EPB41L4A: variants seen among roughly 807,000 people sequenced by gnomAD.
EPB41L4A encodes the protein erythrocyte membrane protein band 4.1 like 4A.
Under a neutral mutation model 108.6 loss-of-function variants are expected in EPB41L4A, and 100 were observed. The observed-to-expected ratio is 0.92, with a 90% confidence interval of 0.78 to 1.09. The LOEUF (loss-of-function observed/expected upper bound fraction) is 1.09, where lower values mean the gene tolerates loss of function less well. EPB41L4A is among the 50% of genes least tolerant of loss of function. The pLI is 0.00. For synonymous variants in EPB41L4A, 319 were observed against 289.0 expected (o/e 1.10, Z -1.05); for missense variants, 1,030 against 842.7 (o/e 1.22, Z -2.75).
chr5:112,244,880 C>T (rs996206573), intron 9 of EPB41L4A, among the ~76,000 whole-genome samples: 8 of 152,058 alleles, frequency 5.3e-5, no homozygotes, highest in Non-Finnish European at 1.2e-4. Context: ...AGCGCCCGTG[C>T]CCTTGTTATC....
chr5:112,266,019 C>A (rs1751826761), intron 5 of EPB41L4A, among the ~76,000 whole-genome samples: 1 of 152,198 alleles, frequency 6.6e-6, no homozygotes, highest in Admixed American at 6.5e-5. Flanking sequence ...AGTGACTAAA[C>A]CTCCATACGA....
At chr5:112,346,870 A>T (rs989005330) in intron 1 of EPB41L4A, among the ~76,000 whole-genome samples, 3 of 152,222 alleles carry the variant, frequency 2.0e-5, no homozygotes, top group Non-Finnish European at 4.4e-5. Flanking sequence ...TGGCTTTGAA[A>T]GAGGTGCTGC....
chr5:112,198,646 A>T lies in EPB41L4A; in HGVS notation c.1377-2938T>A, dbSNP rs376341675. Among the ~76,000 whole-genome samples the T allele has an allele frequency of 7.0e-4, 107 of 152,016 alleles. 3 individuals carry two copies. The South Asian group carries it at 0.022, about 31-fold the overall frequency. The stretch of plus-strand genomic sequence containing the variant: ...GTTGAATGTTTGATATCTAGGTTTG[A>T]TAATTTTATTATTCTTATTTCCATA... On this transcript the variant is annotated intron_variant, in intron 15 of 22. Coordinates refer to ENST00000261486, the MANE Select transcript of EPB41L4A (RefSeq NM_022140.5).
intron 4 of EPB41L4A, chr5:112,275,118 C>A: frequency 2.0e-6 from 1 of 488,856 alleles, no homozygotes; most frequent in Non-Finnish European, 3.5e-6. Flanking sequence ...TCATGTCACC[C>A]AGGTTCACGC....
chr5:112,287,912 T>G (rs981982519), intron 2 of EPB41L4A, among the ~76,000 whole-genome samples: 2 of 152,112 alleles, frequency 1.3e-5, no homozygotes, highest in Non-Finnish European at 2.9e-5. Context: ...AAATGAAATG[T>G]AAGAAGAGAG....
At chr5:112,216,913 C>T (rs1251460285) in intron 12 of EPB41L4A, among the ~76,000 whole-genome samples, 5 of 151,934 alleles carry the variant, frequency 3.3e-5, no homozygotes, top group African/African-American at 1.2e-4. Flanking sequence ...TTCTATACCA[C>T]AAATTACGGC....
intron 1 of EPB41L4A, among the ~76,000 whole-genome samples, chr5:112,406,287 C>T (rs1379672832): frequency 6.6e-6 from 1 of 152,156 alleles, no homozygotes; most frequent in Non-Finnish European, 1.5e-5. Flanking sequence ...TTCTCTGCAT[C>T]CTTCTTCAGG....
chr5:112,258,441 AAGAC>A (rs1751258847), intron 9 of EPB41L4A, among the ~76,000 whole-genome samples: 1 of 152,220 alleles, frequency 6.6e-6, no homozygotes, highest in Non-Finnish European at 1.5e-5. Flanking sequence ...TAGTATCAAA[AAGAC>A]AGAAGAGTAG....
chr5:112,318,653 C>A (rs932889362), intron 1 of EPB41L4A, among the ~76,000 whole-genome samples: 1 of 152,158 alleles, frequency 6.6e-6, no homozygotes. Flanking sequence ...TCCTGACCAA[C>A]AAGTCATAAG....
intron 1 of EPB41L4A, among the ~76,000 whole-genome samples, chr5:112,319,162 A>G (rs770237343): frequency 2.0e-5 from 3 of 152,188 alleles, no homozygotes; most frequent in Non-Finnish European, 4.4e-5. Context: ...AAAAATGGAA[A>G]CAGTGTTCAA....
At chr5:112,411,952 C>T (rs995922789) in intron 1 of EPB41L4A, among the ~76,000 whole-genome samples, 1 of 152,164 alleles carries the variant, frequency 6.6e-6, no homozygotes, top group East Asian at 1.9e-4. Flanking sequence ...GCAACCTGAC[C>T]CTCACTCACG....
intron 1 of EPB41L4A, among the ~76,000 whole-genome samples, chr5:112,321,572 C>T (rs1399357748): frequency 6.6e-6 from 1 of 152,204 alleles, no homozygotes; most frequent in Admixed American, 6.5e-5. Flanking sequence ...ATGGCAGTTG[C>T]TGAGCTATTT....
chr5:112,295,627 T>C lies in EPB41L4A; in HGVS notation c.204+11759A>G, dbSNP rs147174648. Among the ~76,000 whole-genome samples, 32 of 152,338 alleles carry C rather than the reference T, an allele frequency of 2.1e-4. No homozygotes were observed. The East Asian group carries it at 5.8e-3, about 28-fold the overall frequency. ...TCACAGGAGAAGCATAGGAAGACTT[T>C]AAAATACTGATGTTAACAAAGTTGT... is the stretch of plus-strand genomic sequence containing the variant. On this transcript the variant is annotated intron_variant, in intron 2 of 22. Transcript: ENST00000261486.
rs1046801377 is a variant in EPB41L4A at position 112,203,795 on chromosome 5, A to T, written c.1376+580T>A. ...AGTGGCTTACACCTGTAATCCCAGCACTTTGGGAGGCCGAGGCGGGTGGAT... is the reference window on the plus strand; with the variant it reads ...AGTGGCTTACACCTGTAATCCCAGCTCTTTGGGAGGCCGAGGCGGGTGGAT... On this transcript the variant is annotated intron_variant, in intron 15 of 22. Coordinates refer to ENST00000261486, the MANE Select transcript of EPB41L4A (RefSeq NM_022140.5). 9.2e-5 allele frequency among the ~76,000 whole-genome samples: 14 copies of T among 152,234 alleles called. No homozygotes were observed. In the East Asian group the frequency reaches 2.5e-3, roughly 27 times the overall value.
At chr5:112,400,408 T>C (rs1004230944) in intron 1 of EPB41L4A, among the ~76,000 whole-genome samples, 1 of 152,058 alleles carries the variant, frequency 6.6e-6, no homozygotes, top group Non-Finnish European at 1.5e-5. Flanking sequence ...AGAGGTTGCA[T>C]TAGCTTACAG....
At chr5:112,236,867 T>G (rs1749375565) in intron 11 of EPB41L4A, among the ~76,000 whole-genome samples, 1 of 152,180 alleles carries the variant, frequency 6.6e-6, no homozygotes, top group Non-Finnish European at 1.5e-5. Flanking sequence ...TGAAACCTCT[T>G]TGGCAGGTCA....
At chr5:112,209,266 G>A (rs912809044) in intron 13 of EPB41L4A, among the ~76,000 whole-genome samples, 3 of 152,200 alleles carry the variant, frequency 2.0e-5, no homozygotes, top group East Asian at 1.9e-4. Context: ...ATGCTGTTCC[G>A]TGAACATAAT....
chr5:112,249,538 C>G (rs1322936265), intron 9 of EPB41L4A: 2 of 152,032 alleles, frequency 1.3e-5, no homozygotes, highest in Admixed American at 6.6e-5. Flanking sequence ...CACATGATAT[C>G]CTGGGCACAA....
intron 18 of EPB41L4A, among the ~76,000 whole-genome samples, chr5:112,171,478 G>A (rs1760578509): frequency 6.6e-6 from 1 of 152,222 alleles, no homozygotes; most frequent in African/African-American, 2.4e-5. Flanking sequence ...CATCTTTCAT[G>A]TTACATCTGG....
Sources: gnomAD v4.1 joint callset for allele counts (sites outside exome capture counted in the v4.1 genomes callset) on GRCh38, gnomAD v4.1.1 for gene constraint, MANE v1.5 for transcripts, NCBI Gene and HGNC (gene_info 2026-07-23, HGNC 2026-07-21) for gene names.